Variants in SORCS2 observed in about 807,000 individuals in gnomAD.
SORCS2 encodes VPS10 domain-containing receptor SorCS2.
In SORCS2, 100 loss-of-function variants were observed where a neutral mutation model predicts 141.6. The ratio of observed to expected loss-of-function variants is 0.71; its 90% confidence interval spans 0.60 to 0.83. The LOEUF is 0.83. SORCS2 is among the 40% of genes least tolerant of loss of function. The pLI, the probability that SORCS2 is intolerant of heterozygous loss-of-function variation, is 0.00. For synonymous variants in SORCS2, 789 were observed against 676.9 expected, an observed-to-expected ratio of 1.17 and a Z score of -2.57; for missense variants, 1,646 against 1,560.2, an observed-to-expected ratio of 1.05 and a Z score of -0.93.
intron 1 of SORCS2, among the ~76,000 whole-genome samples, chr4:7,298,471 C>T (rs764652764): frequency 6.6e-6 from 1 of 152,178 alleles, no homozygotes; most frequent in Non-Finnish European, 1.5e-5. Context: ...TTCCTTTGGC[C>T]TCTGATCGGT....
At chr4:7,512,000 T>C (rs1732685189) in intron 2 of SORCS2, among the ~76,000 whole-genome samples, 2 of 152,210 alleles carry the variant, frequency 1.3e-5, no homozygotes, top group South Asian at 2.1e-4. Context: ...GAGGCAGCAG[T>C]GTGGACACCG....
intron 3 of SORCS2, among the ~76,000 whole-genome samples, chr4:7,541,404 C>T (rs1712644889): frequency 1.3e-5 from 2 of 152,220 alleles, no homozygotes; most frequent in East Asian, 1.9e-4. Flanking sequence ...GGAGGATTCC[C>T]AGTGCTCTGT....
At chr4:7,650,330 A>AT (rs1468974468) in intron 4 of SORCS2, among the ~76,000 whole-genome samples, 8 of 152,198 alleles carry the variant, frequency 5.3e-5, no homozygotes, top group Non-Finnish European at 4.4e-5. Context: ...GGATCCTGCT[A>AT]TTACGGGTGT....
chr4:7,404,909 T>C (rs759037428), intron 2 of SORCS2, among the ~76,000 whole-genome samples: 1 of 152,302 alleles, frequency 6.6e-6, no homozygotes, highest in East Asian at 1.9e-4. Context: ...TTTTCTGGTC[T>C]GAGTCATAAA....
At chr4:7,251,972 A>G (rs1322068565) in intron 1 of SORCS2, among the ~76,000 whole-genome samples, 1 of 152,096 alleles carries the variant, frequency 6.6e-6, no homozygotes, top group African/African-American at 2.4e-5. Context: ...AGCGGCCAGT[A>G]CTTATGACAC....
intron 2 of SORCS2, among the ~76,000 whole-genome samples, chr4:7,481,914 CGGACACCCCTGACGT>C (rs1730660904): frequency 9.6e-6 from 1 of 104,192 alleles, no homozygotes; most frequent in Non-Finnish European, 2.3e-5. Flanking sequence ...ATCCCCACTG[CGGACACCCCTGACGT>C]TGTTCAGACC....
At chr4:7,257,464 A>G (rs1049503139) in intron 1 of SORCS2, among the ~76,000 whole-genome samples, 3 of 152,116 alleles carry the variant, frequency 2.0e-5, no homozygotes, top group Non-Finnish European at 4.4e-5. Context: ...GCCTCTCCGC[A>G]TCGCGATGGT....
intron 9 of SORCS2, among the ~76,000 whole-genome samples, chr4:7,678,158 G>A (rs559916936): frequency 3.9e-5 from 6 of 152,380 alleles, no homozygotes; most frequent in African/African-American, 1.4e-4. Context: ...GCTGGGGCCT[G>A]GAGACACAGC....
intron 1 of SORCS2, among the ~76,000 whole-genome samples, chr4:7,314,348 TTTA>T: frequency 9.7e-6 from 1 of 103,120 alleles, no homozygotes; most frequent in Non-Finnish European, 2.3e-5. Context: ...TTTATTTTTT[TTTA>T]TTTTTTGAGA....
Position 7,689,528 on chromosome 4 carries a change from C to T in SORCS2, c.1531C>T (p.Pro511Ser). ...LHLHLRWADN[P>S]YVSGTVHTKD... ...CCTGCACCTGCGCTGGGCAGACAAC[C>T]CCTACGTATCAGGCACCGTGCACAC... The change falls in exon 11 of 27, where the codon CCC (proline) becomes TCC (serine). Residue 511 changes from proline to serine, a missense_variant. Physicochemically the swap from Pro to Ser is moderately conservative, Grantham distance 74. Coordinates refer to ENST00000507866, the MANE Select transcript of SORCS2 (RefSeq NM_020777.3). 1.2e-6 allele frequency: 2 copies of T among 1,607,164 alleles called. No individual in the cohort carries two copies. The highest frequency in any genetic ancestry group is 1.7e-6 in the Non-Finnish European group (2 of 1,177,446).
Position 7,648,118 on chromosome 4 carries a change from G to A in SORCS2, c.814-6016G>A, listed in dbSNP as rs866096464. Among the ~76,000 whole-genome samples the A allele has an allele frequency of 7.9e-5, 12 of 152,262 alleles. No homozygotes were observed. The highest frequency in any genetic ancestry group is 2.1e-4 in the South Asian group (1 of 4,818). The stretch of plus-strand genomic sequence containing the variant: ...TACGGTGGGGCAGGTGGGGTGGCGG[G>A]CACCTCTGGGATTGTGGTTGCAGGA... On this transcript the variant is annotated intron_variant, in intron 4 of 26. Coordinates refer to ENST00000507866, the MANE Select transcript of SORCS2 (RefSeq NM_020777.3). This position sits in a 1 kb window ranked among gnomAD's most constrained non-coding sequence, Gnocchi z 4.2.
Position 7,391,654 on chromosome 4 carries a change from T to G in SORCS2, c.481-4634T>G, listed in dbSNP as rs373349069. ...GCCCTTCCCTGGAATAAAGCGAGAGTCAGTGGACGTGGGGGCTGGGCTGTG... is the reference window on the plus strand; with the variant it reads ...GCCCTTCCCTGGAATAAAGCGAGAGGCAGTGGACGTGGGGGCTGGGCTGTG... On this transcript the variant is annotated intron_variant, in intron 1 of 26. Coordinates refer to ENST00000507866, the MANE Select transcript of SORCS2 (RefSeq NM_020777.3). Among the ~76,000 whole-genome samples, 108 of 151,984 alleles carry G rather than the reference T, an allele frequency of 7.1e-4. 1 individual carries two copies. The highest frequency in any genetic ancestry group is 2.3e-3 in the African/African-American group (97 of 41,424).
chr4:7,630,828 T>A (rs980040507), intron 3 of SORCS2, among the ~76,000 whole-genome samples: 2 of 152,158 alleles, frequency 1.3e-5, no homozygotes, highest in Admixed American at 1.3e-4. Context: ...GCTGGGTGCA[T>A]CTGTCTGGCC....
At chr4:7,492,225 C>A (rs992081926) in intron 2 of SORCS2, among the ~76,000 whole-genome samples, 2 of 152,238 alleles carry the variant, frequency 1.3e-5, no homozygotes, top group African/African-American at 4.8e-5. Flanking sequence ...TGACATCTCC[C>A]GAGTCCTCCC....
chr4:7,329,604 G>T (rs537801880), intron 1 of SORCS2, among the ~76,000 whole-genome samples: 4 of 152,320 alleles, frequency 2.6e-5, no homozygotes, highest in African/African-American at 9.6e-5. Context: ...CAAACACATT[G>T]CAGGAGAGAA....
intron 1 of SORCS2, among the ~76,000 whole-genome samples, chr4:7,323,622 G>T (rs1383351935): frequency 6.6e-6 from 1 of 152,098 alleles, no homozygotes; most frequent in African/African-American, 2.4e-5. Flanking sequence ...TCCCACTCAG[G>T]AATCCCTTCA....
chr4:7,697,321 GGACCC>G (rs1308555610), intron 12 of SORCS2, 47 bp downstream of exon 12: 1 of 1,472,284 alleles, frequency 6.8e-7, no homozygotes, highest in Non-Finnish European at 9.3e-7. Context: ...CATCCAGCCG[GGACCC>G]TCAGGAGACA....
chr4:7,449,877 G>C (rs1401694882), intron 2 of SORCS2, among the ~76,000 whole-genome samples: 1 of 152,216 alleles, frequency 6.6e-6, no homozygotes, highest in Non-Finnish European at 1.5e-5. Context: ...TCATGAGGAA[G>C]GTACTTGGGG....
Position 7,517,696 on chromosome 4 carries a change from C to G in SORCS2, c.549-13834C>G, listed in dbSNP as rs147746619. On this transcript the variant is annotated intron_variant, in intron 2 of 26. Coordinates refer to ENST00000507866, the MANE Select transcript of SORCS2 (RefSeq NM_020777.3). ...ATCTAAGAAGACATTTTTTAAAAAGCTGCATGGAGGCTCAGAGCATCCCAC... is the reference window on the plus strand; with the variant it reads ...ATCTAAGAAGACATTTTTTAAAAAGGTGCATGGAGGCTCAGAGCATCCCAC... Among the ~76,000 whole-genome samples the G allele has an allele frequency of 1.9e-3, 288 of 152,244 alleles. 2 individuals carry two copies. The highest frequency in any genetic ancestry group is 6.6e-3 in the African/African-American group (274 of 41,542).
Sources: allele counts gnomAD v4.1 joint callset (sites outside exome capture counted in the v4.1 genomes callset), GRCh38; gene constraint gnomAD v4.1.1; non-coding constraint Gnocchi (gnomAD v3.1); transcripts MANE v1.5; gene names NCBI Gene and HGNC (gene_info 2026-07-23, HGNC 2026-07-21).